The following MTA3 variants were observed in gnomAD, a reference collection of about 807,000 sequenced individuals.
MTA3 encodes metastasis associated 1 family member 3.
A neutral mutation model predicts 83.5 loss-of-function variants in MTA3; 34 were observed. The ratio of observed to expected loss-of-function variants is 0.41; its 90% CI spans 0.31 to 0.54. MTA3 has a LOEUF of 0.54. Among genes scored for constraint, MTA3 ranks in the 20% least tolerant of loss-of-function variants. The pLI is 0.33. For missense variants in MTA3, 761 were observed against 726.4 expected, an observed-to-expected ratio of 1.05 and a Z score of -0.55; for synonymous variants, 303 against 252.7, an observed-to-expected ratio of 1.20 and a Z score of -1.89.
intron 2 of MTA3, among the ~76,000 whole-genome samples, chr2:42,539,021 G>T (rs1457509336): frequency 6.6e-6 from 1 of 151,652 alleles, no homozygotes; most frequent in Non-Finnish European, 1.5e-5. Context: ...TGATCCACCC[G>T]CCTCGGCCTC....
rs911493534 is a variant in MTA3 at position 42,574,553 on chromosome 2, C to G, written c.96+4049C>G. Among the ~76,000 whole-genome samples, 3 of 152,206 alleles carry G rather than the reference C, an allele frequency of 2.0e-5. No individual in the cohort carries two copies. The East Asian group carries it at 5.8e-4, about 29-fold the overall frequency. ...CCAGGTTCAAGTGATTCTCCTCCCTCAGCCTCCCAATTAGCTGGGATTACA... is the reference window on the plus strand; with the variant it reads ...CCAGGTTCAAGTGATTCTCCTCCCTGAGCCTCCCAATTAGCTGGGATTACA... On this transcript the variant is annotated intron_variant, in intron 2 of 16. Coordinates refer to ENST00000405094, the MANE Select transcript of MTA3 (RefSeq NM_001330442.2).
intron 6 of MTA3, among the ~76,000 whole-genome samples, chr2:42,653,430 T>C (rs1361963821): frequency 3.3e-5 from 5 of 152,216 alleles, no homozygotes; most frequent in Non-Finnish European, 5.9e-5. Flanking sequence ...AAAACTTAAT[T>C]ATAAAAATTC....
intron 16 of MTA3, among the ~76,000 whole-genome samples, chr2:42,738,241 CAG>C (rs1231223699): frequency 6.6e-6 from 1 of 152,084 alleles, no homozygotes; most frequent in African/African-American, 2.4e-5. Context: ...GGCTGGGCAA[CAG>C]AGTGTGTTGC....
intron 16 of MTA3, among the ~76,000 whole-genome samples, chr2:42,745,570 G>T (rs1328776338): frequency 1.3e-5 from 2 of 151,848 alleles, no homozygotes; most frequent in Admixed American, 6.6e-5. Flanking sequence ...CAGAGATGGG[G>T]GCAGGGGGTC....
chr2:42,683,450 T>G (rs1356653419), intron 9 of MTA3, among the ~76,000 whole-genome samples: 3 of 152,064 alleles, frequency 2.0e-5, no homozygotes, highest in African/African-American at 7.3e-5. Flanking sequence ...TGGAAGACAG[T>G]TTTTCCATGG....
At chr2:42,747,965 C>T (rs1030496433) in intron 16 of MTA3, among the ~76,000 whole-genome samples, 1 of 152,052 alleles carries the variant, frequency 6.6e-6, no homozygotes, top group Non-Finnish European at 1.5e-5. Flanking sequence ...ATCTCCCCCA[C>T]CTCACCCCCA....
chr2:42,594,728 A>ATATATATATATATTTT, intron 3 of MTA3, among the ~76,000 whole-genome samples: 15 of 24,036 alleles, frequency 6.2e-4, no homozygotes, highest in African/African-American at 1.6e-3. Context: ...ATATATATAT[A>ATATATATATATATTTT]TTTTTTTTTT....
chr2:42,672,555 G>C (rs1690913374), intron 8 of MTA3, among the ~76,000 whole-genome samples: 2 of 140,182 alleles, frequency 1.4e-5, no homozygotes, highest in African/African-American at 2.6e-5. Context: ...TGAGGCACGA[G>C]AATCTCTTGA....
intron 2 of MTA3, among the ~76,000 whole-genome samples, chr2:42,548,834 AT>A (rs1268567607): frequency 9.3e-5 from 1 of 10,756 alleles, no homozygotes; most frequent in African/African-American, 2.3e-4. Flanking sequence ...TATATAATAT[AT>A]ATATATATAT....
intron 2 of MTA3, among the ~76,000 whole-genome samples, chr2:42,542,781 A>T (rs984896323): frequency 2.6e-5 from 4 of 151,738 alleles, no homozygotes; most frequent in African/African-American, 9.7e-5. Flanking sequence ...GGTCTCAAAC[A>T]CCTGACCTTA....
intron 2 of MTA3, among the ~76,000 whole-genome samples, chr2:42,578,509 T>A (rs550136910): frequency 6.6e-6 from 1 of 152,234 alleles, no homozygotes; most frequent in Non-Finnish European, 1.5e-5. Context: ...GAATATTGAC[T>A]CTTAGAGATT....
chr2:42,503,873 T>C (rs900920758), intron 2 of MTA3, among the ~76,000 whole-genome samples: 1 of 148,514 alleles, frequency 6.7e-6, no homozygotes, highest in Non-Finnish European at 1.5e-5. Flanking sequence ...GGAAAACAAA[T>C]AAATAAACAA....
chr2:42,621,622 C>T (rs1254089740), intron 4 of MTA3, among the ~76,000 whole-genome samples: 6 of 152,246 alleles, frequency 3.9e-5, no homozygotes, highest in Non-Finnish European at 8.8e-5. Flanking sequence ...GTCATCATGG[C>T]CCGTTCTCAA....
chr2:42,541,901 G>A (rs1275915024), intron 2 of MTA3, among the ~76,000 whole-genome samples: 1 of 152,158 alleles, frequency 6.6e-6, no homozygotes, highest in Non-Finnish European at 1.5e-5. Context: ...GGGCTCTGTG[G>A]CTGTGAACAA....
intron 2 of MTA3, among the ~76,000 whole-genome samples, chr2:42,503,379 G>C (rs928700838): frequency 6.6e-6 from 1 of 152,120 alleles, no homozygotes; most frequent in African/African-American, 2.4e-5. Context: ...TTTACTGCAA[G>C]CTGTTTTATC....
At chr2:42,622,266 CT>C (rs1320487425) in intron 4 of MTA3, among the ~76,000 whole-genome samples, 2 of 152,140 alleles carry the variant, frequency 1.3e-5, no homozygotes, top group Non-Finnish European at 2.9e-5. Flanking sequence ...ACCAGTCAGG[CT>C]TGGCGGCGCG....
chr2:42,518,172 C>G (rs1441345447), intron 2 of MTA3, among the ~76,000 whole-genome samples: 1 of 151,974 alleles, frequency 6.6e-6, no homozygotes, highest in Non-Finnish European at 1.5e-5. Context: ...CAGAGTGAAA[C>G]TCGGTCTCAA....
At chr2:42,688,326 CT>C (rs1156966035) in intron 9 of MTA3, among the ~76,000 whole-genome samples, 2 of 152,210 alleles carry the variant, frequency 1.3e-5, no homozygotes, top group African/African-American at 4.8e-5. Context: ...TCAAATGATG[CT>C]CTTGCCTTGA....
intron 4 of MTA3, among the ~76,000 whole-genome samples, chr2:42,622,486 A>G (rs1685681782): frequency 2.0e-5 from 3 of 152,238 alleles, no homozygotes; most frequent in South Asian, 2.1e-4. Context: ...GTAATTATTC[A>G]TAACAAATAC....
Sources: gnomAD v4.1 joint callset for allele counts (sites outside exome capture counted in the v4.1 genomes callset) on GRCh38, gnomAD v4.1.1 for gene constraint, MANE v1.5 for transcripts, NCBI Gene and HGNC (gene_info 2026-07-23, HGNC 2026-07-21) for gene names.